MICAL2: variants seen among roughly 807,000 people sequenced by gnomAD.
MICAL2 encodes the protein microtubule associated monooxygenase, calponin and LIM domain containing 2.
Under a neutral mutation model 127.3 loss-of-function variants are expected in MICAL2, and 77 were observed. The ratio of observed to expected loss-of-function variants is 0.60; its 90% CI spans 0.50 to 0.73. The LOEUF (loss-of-function observed/expected upper bound fraction) is 0.73, where lower values mean the gene tolerates loss of function less well. MICAL2 is among the 30% of genes least tolerant of loss of function. The probability of loss-of-function intolerance (pLI) is 0.00; values close to 1 mark genes in which losing one functional copy is unlikely to be tolerated. For synonymous variants in MICAL2, 570 were observed against 551.1 expected, an observed-to-expected ratio of 1.03 and a Z score of -0.48; for missense variants, 1,351 against 1,434.4, an observed-to-expected ratio of 0.94 and a Z score of 0.94.
downstream of MICAL2, chr11:12,294,542 C>T (rs377458555): frequency 4.2e-5 from 68 of 1,614,000 alleles, no homozygotes; most frequent in Non-Finnish European, 4.9e-5. Flanking sequence ...TGAAGATGTC[C>T]CCACACTCCT....
chr11:12,134,955 C>A (rs1244720960), intron 1 of MICAL2, among the ~76,000 whole-genome samples: 1 of 152,164 alleles, frequency 6.6e-6, no homozygotes, highest in African/African-American at 2.4e-5. Context: ...GACCAGAGTC[C>A]CCTGTTCAGT....
chr11:12,243,400 A>C (rs1860245672), intron 20 of MICAL2: 1 of 153,616 alleles, frequency 6.5e-6, no homozygotes, highest in African/African-American at 2.4e-5. Flanking sequence ...GAGATCCTAC[A>C]GGTGGGTGTA....
intron 3 of MICAL2, among the ~76,000 whole-genome samples, chr11:12,165,755 A>G (rs2133833268): frequency 6.6e-6 from 1 of 152,322 alleles, no homozygotes; most frequent in South Asian, 2.1e-4. Flanking sequence ...GAGATTGGGG[A>G]CCAGGATCTA....
intron 1 of MICAL2, among the ~76,000 whole-genome samples, chr11:12,123,474 A>G (rs1850673466): frequency 1.3e-5 from 2 of 152,194 alleles, no homozygotes; most frequent in Admixed American, 6.5e-5. Context: ...GGCATCAATG[A>G]AAGTTTTTTT....
chr11:12,308,591 T>G (rs1327306911), intron 29 of MICAL2, among the ~76,000 whole-genome samples: 1 of 152,248 alleles, frequency 6.6e-6, no homozygotes, highest in Non-Finnish European at 1.5e-5. Context: ...AGAAGCAAAT[T>G]AACTTTATAT....
At chr11:12,212,260 G>A (rs1401572555) in intron 6 of MICAL2, among the ~76,000 whole-genome samples, 2 of 152,100 alleles carry the variant, frequency 1.3e-5, no homozygotes, top group African/African-American at 4.8e-5. Flanking sequence ...TTGAAAACAA[G>A]AATTAGAGCA....
intron 34 of MICAL2, among the ~76,000 whole-genome samples, chr11:12,356,111 A>C (rs1939123947): frequency 6.6e-6 from 1 of 152,218 alleles, no homozygotes; most frequent in South Asian, 2.1e-4. Flanking sequence ...AAATACCACC[A>C]AAGACTATTT....
intron 2 of MICAL2, chr11:12,161,504 A>G (rs577859058): frequency 1.9e-4 from 29 of 152,642 alleles, no homozygotes; most frequent in Admixed American, 9.1e-4. Flanking sequence ...ACTGTTTGTC[A>G]TGTGGATAGT....
chr11:12,298,608 A>G (rs943119655), intron 29 of MICAL2, among the ~76,000 whole-genome samples: 3 of 152,160 alleles, frequency 2.0e-5, no homozygotes, highest in Admixed American at 1.3e-4. Flanking sequence ...CCAGTTAAGC[A>G]TGGTAACTGG....
chr11:12,248,523 G>A (rs757807889), intron 21 of MICAL2, among the ~76,000 whole-genome samples: 16 of 152,198 alleles, frequency 1.1e-4, no homozygotes, highest in Non-Finnish European at 1.5e-4. Flanking sequence ...GGCACTGAGC[G>A]TTTGCACAGC....
At chr11:12,309,533 A>G (rs1269746131) in intron 29 of MICAL2, among the ~76,000 whole-genome samples, 2 of 152,178 alleles carry the variant, frequency 1.3e-5, no homozygotes, top group Non-Finnish European at 2.9e-5. Flanking sequence ...GCTGAATAAT[A>G]TTCCATTGTG....
chr11:12,255,388 C>T (rs1403226247), intron 22 of MICAL2: 1 of 490,498 alleles, frequency 2.0e-6, no homozygotes, highest in Non-Finnish European at 3.7e-6. Context: ...ATTTTGACTA[C>T]TCTAGGTACC....
At chr11:12,210,406 A>AGAG (rs1855300434) in intron 6 of MICAL2, among the ~76,000 whole-genome samples, 2 of 152,230 alleles carry the variant, frequency 1.3e-5, no homozygotes, top group Non-Finnish European at 1.5e-5. Context: ...CACAGGCTGC[A>AGAG]GATGCCTGAC....
At chr11:12,293,533 A>T, downstream of MICAL2, 2 of 1,544,602 alleles carry the variant, frequency 1.3e-6, no homozygotes, top group Non-Finnish European at 1.7e-6. Flanking sequence ...ATTTTTAAAT[A>T]ACTGCTATTT....
chr11:12,282,881 G>A (rs182678156), intron 2 of MICAL2, among the ~76,000 whole-genome samples: 1 of 152,260 alleles, frequency 6.6e-6, no homozygotes, highest in Non-Finnish European at 1.5e-5. Flanking sequence ...GGAAGGTGAG[G>A]GCATGACAAA....
intron 26 of MICAL2, chr11:12,260,371 A>G: frequency 7.8e-7 from 1 of 1,284,296 alleles, no homozygotes; most frequent in Non-Finnish European, 9.8e-7. Context: ...GCCAGGGATG[A>G]TATGAAGGAT....
intron 21 of MICAL2, among the ~76,000 whole-genome samples, chr11:12,247,122 C>T (rs897713417): frequency 3.3e-5 from 5 of 152,190 alleles, no homozygotes; most frequent in Admixed American, 2.0e-4. Flanking sequence ...GCCCAGCGTT[C>T]GGACTCCCAG....
At chr11:12,139,204 AC>A (rs1852112078) in intron 2 of MICAL2, among the ~76,000 whole-genome samples, 1 of 151,860 alleles carries the variant, frequency 6.6e-6, no homozygotes, top group Non-Finnish European at 1.5e-5. Context: ...GCGTTTTGGC[AC>A]CCCTCCTCCC....
chr11:12,142,411 G>A (rs1485470846), intron 2 of MICAL2, among the ~76,000 whole-genome samples: 1 of 152,220 alleles, frequency 6.6e-6, no homozygotes, highest in African/African-American at 2.4e-5. Flanking sequence ...CTTAGCAGGA[G>A]TAGCCTCTTG....
Sources: allele counts gnomAD v4.1 joint callset (sites outside exome capture counted in the v4.1 genomes callset), GRCh38; gene constraint gnomAD v4.1.1; transcripts MANE v1.5; gene names NCBI Gene and HGNC (gene_info 2026-07-23, HGNC 2026-07-21).